The following MCMDC2 variants were observed in gnomAD, a reference collection of about 807,000 sequenced individuals.
MCMDC2 encodes minichromosome maintenance domain containing 2.
MCMDC2 carries 54 observed loss-of-function variants against 75.8 expected under a neutral mutation model. The observed-to-expected ratio is 0.71, with a 90% CI of 0.57 to 0.89. MCMDC2 has a LOEUF of 0.89. Among genes scored for constraint, MCMDC2 ranks in the 40% least tolerant of loss-of-function variants. The pLI is 0.00. For missense variants in MCMDC2, 656 were observed against 780.4 expected, an observed-to-expected ratio of 0.84 and a Z score of 1.90; for synonymous variants, 249 against 274.6, an observed-to-expected ratio of 0.91 and a Z score of 0.92.
At chr8:66,881,816 T>TG (rs1230995374) in intron 8 of MCMDC2, among the ~76,000 whole-genome samples, 1 of 152,242 alleles carries the variant, frequency 6.6e-6, no homozygotes, top group Non-Finnish European at 1.5e-5. Flanking sequence ...AACTCCAACA[T>TG]GCGTTAGCAT....
In MCMDC2 at chr8:66,919,233, G is replaced by T; in HGVS notation, c.*64G>T. On this transcript the variant is annotated 3_prime_UTR_variant, in exon 15 of 15. Coordinates refer to ENST00000422365, the MANE Select transcript of MCMDC2 (RefSeq NM_173518.5). Reference sequence around the variant, plus strand: ...TGGAGAAAAAGTGTGACTATTTTGAGAGTGACTTTGAAGTAATGCTTTGAT... The same window carrying T: ...TGGAGAAAAAGTGTGACTATTTTGATAGTGACTTTGAAGTAATGCTTTGAT... The T allele has an allele frequency of 1.5e-6, 2 of 1,302,202 alleles. No individual in the cohort carries two copies. 80.7% of individuals were successfully genotyped at this position (1,302,202 alleles called of 1,614,324 possible).
At chr8:66,887,208 T>A (rs1318155381) in intron 9 of MCMDC2, among the ~76,000 whole-genome samples, 1 of 152,090 alleles carries the variant, frequency 6.6e-6, no homozygotes, top group Non-Finnish European at 1.5e-5. Context: ...AATTTATTAT[T>A]TACTTTTATG....
At chr8:66,912,541 C>T (rs904239139) in intron 14 of MCMDC2, among the ~76,000 whole-genome samples, 8 of 152,166 alleles carry the variant, frequency 5.3e-5, no homozygotes, top group African/African-American at 1.4e-4. Context: ...CACCCTAAAG[C>T]CCATCAATGA....
At chr8:66,895,432 TC>T (rs1467283889) in intron 10 of MCMDC2, among the ~76,000 whole-genome samples, 3 of 149,382 alleles carry the variant, frequency 2.0e-5, no homozygotes, top group African/African-American at 7.4e-5. Flanking sequence ...AGGGTCTTAC[TC>T]TGTTGCCCTG....
Position 66,919,999 on chromosome 8 carries a change from T to A in MCMDC2, c.*830T>A, listed in dbSNP as rs1813461217. On this transcript the variant is annotated 3_prime_UTR_variant, in exon 15 of 15. Transcript: ENST00000422365. The stretch of plus-strand genomic sequence containing the variant: ...CTTTTTAGTTCAGTTTCCATAACTT[T>A]AATAAAAGATCAGTTCTATTCACAG... 1 of 152,240 alleles carries A rather than the reference T, an allele frequency of 6.6e-6. No individual in the cohort carries two copies. The highest frequency in any genetic ancestry group is 1.5e-5 in the Non-Finnish European group (1 of 68,040). 9.4% of individuals were successfully genotyped at this position (152,240 alleles called of 1,614,324 possible).
At chr8:66,888,401 A>C (rs1270234431) in intron 9 of MCMDC2, among the ~76,000 whole-genome samples, 1 of 152,218 alleles carries the variant, frequency 6.6e-6, no homozygotes, top group Non-Finnish European at 1.5e-5. Flanking sequence ...TGTTAATACC[A>C]ACCAAAAAGA....
At chr8:66,894,990 C>T (rs888084077) in intron 10 of MCMDC2, among the ~76,000 whole-genome samples, 4 of 152,194 alleles carry the variant, frequency 2.6e-5, no homozygotes, top group African/African-American at 9.7e-5. Context: ...CTGAACATTG[C>T]ATAGGCAGTC....
At chr8:66,878,956 A>G in intron 7 of MCMDC2, 37 bp downstream of exon 7, 1 of 1,301,162 alleles carries the variant, frequency 7.7e-7, no homozygotes, top group Admixed American at 1.8e-5. Flanking sequence ...AAAAATTGCT[A>G]TAAATATGTA....
At position 66,922,001 on chromosome 8, in the gene MCMDC2, A is replaced by T. The variant is rs1813555894; in HGVS notation, c.*2832A>T. 2 of 152,768 alleles carry T rather than the reference A, an allele frequency of 1.3e-5. No individual in the cohort carries two copies. Among genetic ancestry groups the T allele is most frequent in the African/African-American group, 4.8e-5 (2 of 41,454 alleles). 9.5% of individuals were successfully genotyped at this position (152,768 alleles called of 1,614,324 possible). ...TAGCCAAATATGTATTTTTCTCCAT[A>T]ATTTATTGTGATGTTATCAACATCA... On this transcript the variant is annotated 3_prime_UTR_variant, in exon 15 of 15. Transcript: ENST00000422365.
intron 14 of MCMDC2, among the ~76,000 whole-genome samples, chr8:66,908,364 G>A (rs954900689): frequency 1.1e-4 from 17 of 151,994 alleles, no homozygotes; most frequent in African/African-American, 4.1e-4. Flanking sequence ...CAGGTTTATT[G>A]AAGATTATCA....
rs377528797 is a variant in MCMDC2 at position 66,908,572 on chromosome 8, A to G, written c.1879+3237A>G. Among the ~76,000 whole-genome samples the G allele has an allele frequency of 7.9e-4, 120 of 152,204 alleles. 2 individuals carry two copies. The highest frequency in any genetic ancestry group is 1.5e-3 in the South Asian group (7 of 4,818). On this transcript the variant is annotated intron_variant, in intron 14 of 14. Coordinates refer to ENST00000422365, the MANE Select transcript of MCMDC2 (RefSeq NM_173518.5). ...CTTTGAATTGAAGAATTATAGTATT[A>G]TTATATTAAGGACTCCTGTGATAGA...
At chr8:66,922,594 CATTA>C (rs764690939), downstream of MCMDC2, 8 of 512,190 alleles carry the variant, frequency 1.6e-5, no homozygotes, top group South Asian at 4.3e-5. Flanking sequence ...ACATAACTAA[CATTA>C]ATTAAATTTA....
At chr8:66,897,703 T>A (rs1453789783) in intron 12 of MCMDC2, among the ~76,000 whole-genome samples, 1 of 152,230 alleles carries the variant, frequency 6.6e-6, no homozygotes, top group Non-Finnish European at 1.5e-5. Context: ...TATAGCATGA[T>A]TCACTAACCC....
At chr8:66,917,630 CTAGG>C (rs1260776456) in intron 14 of MCMDC2, among the ~76,000 whole-genome samples, 1 of 152,148 alleles carries the variant, frequency 6.6e-6, no homozygotes, top group Non-Finnish European at 1.5e-5. Context: ...TTTGACTATT[CTAGG>C]TACCTCATAT....
At chr8:66,894,221 A>G (rs73693632) in intron 10 of MCMDC2, among the ~76,000 whole-genome samples, 19,589 of 152,234 alleles carry the variant, frequency 0.13, 2,403 homozygotes, top group African/African-American at 0.32. Context: ...GTAAGAGGGA[A>G]TGCTAATAAC....
At chr8:66,901,123 A>C in intron 12 of MCMDC2, 83 bp from the exon 13 acceptor site, 2 of 989,840 alleles carry the variant, frequency 2.0e-6, no homozygotes, top group South Asian at 1.5e-5. Context: ...ACTTGTAAAA[A>C]TAAAGTGCCA....
chr8:66,871,214 T>C (rs1427655926), intron 1 of MCMDC2, among the ~76,000 whole-genome samples: 4 of 152,176 alleles, frequency 2.6e-5, no homozygotes, highest in Non-Finnish European at 5.9e-5. Context: ...GCTCTAACTC[T>C]TTTGATGCCA....
downstream of MCMDC2, among the ~76,000 whole-genome samples, chr8:66,923,753 T>A (rs1015471859): frequency 3.9e-5 from 6 of 152,052 alleles, no homozygotes; most frequent in African/African-American, 1.4e-4. Flanking sequence ...CTGGGCATGA[T>A]GGTGGGTGCC....
chr8:66,921,638 T>A lies in MCMDC2; in HGVS notation c.*2469T>A, dbSNP rs1813537484. ...ACATGTACTAGTATTAGGATGACTT[T>A]TTTGTTCACAAAGATGAAAGCAAAC... On this transcript the variant is annotated 3_prime_UTR_variant, in exon 15 of 15. Transcript: ENST00000422365. 1 of 152,226 alleles carries A rather than the reference T, an allele frequency of 6.6e-6. No homozygotes were observed. The allele number at this position is 152,226 out of a possible 1,614,324, so 9.4% of individuals were successfully genotyped here.
Sources: gnomAD v4.1 joint callset for allele counts (sites outside exome capture counted in the v4.1 genomes callset) on GRCh38, gnomAD v4.1.1 for gene constraint, MANE v1.5 for transcripts, NCBI Gene and HGNC (gene_info 2026-07-23, HGNC 2026-07-21) for gene names.